NEDD9: variants seen among roughly 807,000 people sequenced by gnomAD.
NEDD9 encodes enhancer of filamentation 1.
A neutral mutation model predicts 76.6 loss-of-function variants in NEDD9; 26 were observed. The observed-to-expected ratio is 0.34, with a 90% CI of 0.25 to 0.47. The LOEUF is 0.47. Among genes scored for constraint, NEDD9 ranks in the 20% least tolerant of loss-of-function variants. NEDD9 has a pLI of 1.00. For missense variants in NEDD9, 937 were observed against 1,058.5 expected, an observed-to-expected ratio of 0.89 and a Z score of 1.59; for synonymous variants, 392 against 414.2, an observed-to-expected ratio of 0.95 and a Z score of 0.65.
At chr6:11,323,151 G>A (rs1761848531) in intron 2 of NEDD9, among the ~76,000 whole-genome samples, 1 of 152,216 alleles carries the variant, frequency 6.6e-6, no homozygotes, top group Non-Finnish European at 1.5e-5. Context: ...AAGGGACGGT[G>A]AGCTCACAAA....
intron 5 of NEDD9, among the ~76,000 whole-genome samples, chr6:11,189,222 G>C (rs1758063682): frequency 6.6e-6 from 1 of 152,204 alleles, no homozygotes; most frequent in East Asian, 1.9e-4. Flanking sequence ...TGGGATTACA[G>C]GCGTGAGCCA....
chr6:11,214,323 C>T, intron 1 of NEDD9: 1 of 430,142 alleles, frequency 2.3e-6, no homozygotes, highest in South Asian at 1.8e-5. Context: ...GGCATGTAGA[C>T]ATGCCATCAA....
intron 3 of NEDD9, among the ~76,000 whole-genome samples, chr6:11,270,133 A>G (rs1760273343): frequency 6.6e-6 from 1 of 152,222 alleles, no homozygotes; most frequent in South Asian, 2.1e-4. Context: ...CTTAAAATAA[A>G]CAAACAAAAA....
chr6:11,270,930 T>C (rs1227264047), intron 3 of NEDD9, among the ~76,000 whole-genome samples: 1 of 152,118 alleles, frequency 6.6e-6, no homozygotes, highest in Non-Finnish European at 1.5e-5. Flanking sequence ...GAGAAGGGAA[T>C]TGGGGGTGGG....
chr6:11,271,424 T>C (rs1194984032), intron 3 of NEDD9: 2 of 152,268 alleles, frequency 1.3e-5, no homozygotes, highest in Non-Finnish European at 2.9e-5. Context: ...GCTGGCCTTG[T>C]TGCAGAAAGA....
At chr6:11,211,975 G>T (rs1490842836) in intron 2 of NEDD9, among the ~76,000 whole-genome samples, 1 of 36,508 alleles carries the variant, frequency 2.7e-5, no homozygotes, top group Admixed American at 2.9e-4. Flanking sequence ...GGGTCTCTAG[G>T]CTGCCTCTTT....
intron 3 of NEDD9, among the ~76,000 whole-genome samples, chr6:11,303,972 C>A (rs1177577773): frequency 2.6e-5 from 4 of 152,130 alleles, no homozygotes; most frequent in Admixed American, 2.6e-4. Context: ...TCTAATTAAA[C>A]TAAAGAGCTT....
At chr6:11,368,318 T>G (rs1762804385) in intron 1 of NEDD9, among the ~76,000 whole-genome samples, 1 of 152,260 alleles carries the variant, frequency 6.6e-6, no homozygotes, top group Non-Finnish European at 1.5e-5. Flanking sequence ...TTTATTCCTG[T>G]GGTTCTTCAT....
intron 3 of NEDD9, among the ~76,000 whole-genome samples, chr6:11,242,597 A>AAC (rs886642424): frequency 3.9e-5 from 6 of 151,998 alleles, no homozygotes; most frequent in Admixed American, 3.9e-4. Flanking sequence ...GGCAAAAAAA[A>AAC]AAAACTGTCT....
chr6:11,196,198 G>C (rs1260215933), intron 2 of NEDD9, among the ~76,000 whole-genome samples: 1 of 152,098 alleles, frequency 6.6e-6, no homozygotes, highest in Non-Finnish European at 1.5e-5. Context: ...CAGCTACTTG[G>C]GAGGCTGAGG....
At chr6:11,369,389 T>A (rs938620451) in intron 1 of NEDD9, among the ~76,000 whole-genome samples, 2 of 152,198 alleles carry the variant, frequency 1.3e-5, no homozygotes, top group East Asian at 3.8e-4. Flanking sequence ...GGAGAAGAAT[T>A]ATTATTTTTA....
At chr6:11,360,217 C>A (rs143623600) in intron 1 of NEDD9, among the ~76,000 whole-genome samples, 1 of 152,290 alleles carries the variant, frequency 6.6e-6, no homozygotes, top group African/African-American at 2.4e-5. Flanking sequence ...GCAAAATAAA[C>A]CCCCATTAGG....
intron 2 of NEDD9, among the ~76,000 whole-genome samples, chr6:11,204,954 C>T (rs1443066571): frequency 1.3e-5 from 2 of 152,124 alleles, no homozygotes; most frequent in African/African-American, 4.8e-5. Flanking sequence ...AGGCTACTCC[C>T]TGGACCTGAG....
At chr6:11,290,652 G>A (rs976939243) in intron 3 of NEDD9, among the ~76,000 whole-genome samples, 2 of 152,116 alleles carry the variant, frequency 1.3e-5, no homozygotes, top group Non-Finnish European at 2.9e-5. Context: ...GCTGTACCTC[G>A]AGACCAAATG....
At chr6:11,284,148 G>A (rs1760595348) in intron 3 of NEDD9, among the ~76,000 whole-genome samples, 1 of 152,072 alleles carries the variant, frequency 6.6e-6, no homozygotes, top group Non-Finnish European at 1.5e-5. Context: ...TAATTGTGGT[G>A]GAGATTTGCC....
At chr6:11,373,928 G>A (rs1389845187) in intron 1 of NEDD9, among the ~76,000 whole-genome samples, 3 of 152,180 alleles carry the variant, frequency 2.0e-5, no homozygotes, top group Non-Finnish European at 4.4e-5. Context: ...CTAGCAGAGT[G>A]CCTTCGGACT....
rs1057470254 is a variant in NEDD9 at position 11,185,456 on chromosome 6, C to T, written c.2211G>A (p.Gln737=). The T allele has an allele frequency of 1.9e-6, 3 of 1,614,206 alleles. No homozygotes were observed. Among genetic ancestry groups the T allele is most frequent in the African/African-American group, 1.3e-5 (1 of 75,054 alleles). ...DALFSCVSSA[Q]PPRIFVAHSK... ...TGTGTGCCACGAAGATTCGCGGGGG[C>T]TGGGCTGAGCTGACACAACTGAAGA... Residue 737 remains glutamine (Q), a synonymous_variant, in exon 7 of 7, where the codon CAG becomes CAA. Coordinates refer to ENST00000379446, the MANE Select transcript of NEDD9 (RefSeq NM_006403.4).
rs1170916989 is a variant in NEDD9 at position 11,316,602 on chromosome 6, G to A, written c.-152-10447C>T. Among the ~76,000 whole-genome samples, 3 of 152,148 alleles carry A rather than the reference G, an allele frequency of 2.0e-5. No homozygotes were observed. The South Asian group carries it at 6.2e-4, about 32-fold the overall frequency. Reference sequence around the variant, plus strand: ...AAATGCTTTCAGTGGGAATTAACTCGATCACATTTTCTTGCATAAGAATCA... The same window carrying A: ...AAATGCTTTCAGTGGGAATTAACTCAATCACATTTTCTTGCATAAGAATCA... On this transcript the variant is annotated intron_variant, in intron 2 of 3. Transcript: ENST00000397378.
intron 1 of NEDD9, among the ~76,000 whole-genome samples, chr6:11,359,196 C>T (rs1474431032): frequency 2.6e-5 from 4 of 152,138 alleles, no homozygotes; most frequent in African/African-American, 4.8e-5. Flanking sequence ...AAGGGTTTCA[C>T]GTGGGCAGGG....
Sources: allele counts gnomAD v4.1 joint callset (sites outside exome capture counted in the v4.1 genomes callset), GRCh38; gene constraint gnomAD v4.1.1; transcripts MANE v1.5; gene names NCBI Gene and HGNC (gene_info 2026-07-23, HGNC 2026-07-21).